Variants in CPEB3 observed in about 807,000 individuals in gnomAD.
CPEB3 encodes cytoplasmic polyadenylation element-binding protein 3.
Under a neutral mutation model 67.2 loss-of-function variants are expected in CPEB3, and 20 were observed. That is an observed-to-expected ratio of 0.30 (90% CI 0.21 to 0.43). The LOEUF (loss-of-function observed/expected upper bound fraction) is 0.43, where lower values mean the gene tolerates loss of function less well. CPEB3 is among the 20% of genes least tolerant of loss of function. The probability of loss-of-function intolerance (pLI) is 1.00; values close to 1 mark genes in which losing one functional copy is unlikely to be tolerated. For synonymous variants in CPEB3, 376 were observed against 393.1 expected, an observed-to-expected ratio of 0.96 and a Z score of 0.51; for missense variants, 746 against 968.6, an observed-to-expected ratio of 0.77 and a Z score of 3.05.
intron 2 of CPEB3, among the ~76,000 whole-genome samples, chr10:92,200,493 C>T (rs897715897): frequency 4.3e-5 from 6 of 139,526 alleles, no homozygotes; most frequent in African/African-American, 8.1e-5. Flanking sequence ...TGAGGTGAGC[C>T]GAGATCACAC....
intron 2 of CPEB3, among the ~76,000 whole-genome samples, chr10:92,229,937 T>C (rs866883047): frequency 6.6e-6 from 1 of 151,980 alleles, no homozygotes; most frequent in African/African-American, 2.4e-5. Flanking sequence ...TCCCAGCTAC[T>C]TGGGAGGCTG....
At chr10:92,092,788 AAAAG>A (rs1386764047) in intron 7 of CPEB3, among the ~76,000 whole-genome samples, 3 of 152,176 alleles carry the variant, frequency 2.0e-5, no homozygotes, top group Non-Finnish European at 2.9e-5. Flanking sequence ...GGAAAAAAAA[AAAAG>A]AGAGAGAATT....
chr10:92,120,098 C>CAAAAAAAAAAAAAAAAAAAACAAGCAAAA (rs34785763), intron 6 of CPEB3, among the ~76,000 whole-genome samples: 11 of 45,244 alleles, frequency 2.4e-4, no homozygotes, highest in African/African-American at 1.2e-3. Flanking sequence ...ACTAAAAATA[C>CAAAAAAAAAAAAAAAAAAAACAAGCAAAA]AAAAAAAAAA....
At chr10:92,055,872 G>A (rs1842091461) in intron 9 of CPEB3, among the ~76,000 whole-genome samples, 2 of 152,084 alleles carry the variant, frequency 1.3e-5, no homozygotes, top group Admixed American at 1.3e-4. Flanking sequence ...AAAAAAATTA[G>A]CCATGTGTTG....
At chr10:92,183,017 T>A (rs973155774) in intron 3 of CPEB3, among the ~76,000 whole-genome samples, 2 of 152,132 alleles carry the variant, frequency 1.3e-5, no homozygotes, top group Admixed American at 6.5e-5. Context: ...GAGCTTTCAA[T>A]GAAAATTTTT....
chr10:92,226,096 CA>C (rs557862921), intron 2 of CPEB3, among the ~76,000 whole-genome samples: 36 of 148,956 alleles, frequency 2.4e-4, no homozygotes, highest in African/African-American at 7.6e-4. Context: ...GGCTCCATCT[CA>C]AAAAAAAAAT....
At chr10:92,283,777 A>AGT (rs949574930) in intron 1 of CPEB3, among the ~76,000 whole-genome samples, 2 of 125,756 alleles carry the variant, frequency 1.6e-5, no homozygotes, top group African/African-American at 6.1e-5. Flanking sequence ...CCCAGGCTGG[A>AGT]GTGCAGTGGT....
At chr10:92,143,006 T>C (rs1483719707) in intron 6 of CPEB3, 23 bp downstream of exon 6, 1 of 1,558,306 alleles carries the variant, frequency 6.4e-7, no homozygotes, top group Middle Eastern at 1.7e-4. Context: ...AGGCAAGCAG[T>C]GGAAACATTT....
intron 6 of CPEB3, among the ~76,000 whole-genome samples, chr10:92,141,291 C>T (rs1342668366): frequency 6.6e-6 from 1 of 151,472 alleles, no homozygotes; most frequent in Non-Finnish European, 1.5e-5. Context: ...CCATGGAATA[C>T]TATGCAGCCA....
intron 1 of CPEB3, among the ~76,000 whole-genome samples, chr10:92,265,432 G>A (rs1381584620): frequency 6.6e-6 from 1 of 152,022 alleles, no homozygotes; most frequent in East Asian, 1.9e-4. Flanking sequence ...ACTTCAATTA[G>A]TCTTAGCCTT....
intron 6 of CPEB3, among the ~76,000 whole-genome samples, chr10:92,126,303 C>A (rs531005606): frequency 6.6e-6 from 1 of 152,088 alleles, no homozygotes; most frequent in Admixed American, 6.6e-5. Context: ...TCTTGGACTC[C>A]CCTTGTTACT....
chr10:92,095,600 ATTT>A (rs11404019), intron 7 of CPEB3, among the ~76,000 whole-genome samples: 22 of 123,062 alleles, frequency 1.8e-4, no homozygotes, highest in African/African-American at 7.1e-4. Context: ...ATATATATAT[ATTT>A]TTTTTTTTTC....
At chr10:92,169,988 T>C (rs1244757229) in intron 4 of CPEB3, among the ~76,000 whole-genome samples, 2 of 152,190 alleles carry the variant, frequency 1.3e-5, no homozygotes, top group Non-Finnish European at 2.9e-5. Context: ...ATTCTCACTA[T>C]TCCATATAAC....
intron 1 of CPEB3, among the ~76,000 whole-genome samples, chr10:92,254,027 G>A (rs1852416930): frequency 6.6e-6 from 1 of 152,124 alleles, no homozygotes; most frequent in Non-Finnish European, 1.5e-5. Flanking sequence ...CCAAGAGTTT[G>A]AGACCACCTT....
At chr10:92,147,109 G>A (rs563359381) in intron 4 of CPEB3, among the ~76,000 whole-genome samples, 10 of 152,108 alleles carry the variant, frequency 6.6e-5, no homozygotes, top group Admixed American at 3.3e-4. Flanking sequence ...TAATGCGTAC[G>A]TTATGCTTTT....
At chr10:92,203,232 C>G (rs960609831) in intron 2 of CPEB3, among the ~76,000 whole-genome samples, 1 of 151,170 alleles carries the variant, frequency 6.6e-6, no homozygotes, top group Admixed American at 6.6e-5. Context: ...TGAGCCACCG[C>G]GCCCAGCCTT....
chr10:92,092,991 T>G (rs1843685759), intron 7 of CPEB3, among the ~76,000 whole-genome samples: 1 of 152,168 alleles, frequency 6.6e-6, no homozygotes, highest in South Asian at 2.1e-4. Context: ...AAGCAAAAAA[T>G]AAGGTATTTC....
chr10:92,118,265 G>T (rs184348111), intron 6 of CPEB3, among the ~76,000 whole-genome samples: 3 of 152,106 alleles, frequency 2.0e-5, no homozygotes, highest in African/African-American at 7.2e-5. Context: ...CCAAGTAGCT[G>T]GGATTACAGG....
At position 92,237,654 on chromosome 10, in the gene CPEB3, C is replaced by T. The variant is rs115303342; in HGVS notation, c.1005+1692G>A. 1.6e-3 allele frequency among the ~76,000 whole-genome samples: 249 copies of T among 152,232 alleles called. 2 individuals carry two copies. Among genetic ancestry groups the T allele is most frequent in the African/African-American group, 4.9e-3 (202 of 41,546 alleles). Reference sequence around the variant, plus strand: ...ACTCCCTATAAGATTTTAGGTTATCCTCTAAGACTGAACTCAGGTACGGAG... The same window carrying T: ...ACTCCCTATAAGATTTTAGGTTATCTTCTAAGACTGAACTCAGGTACGGAG... On this transcript the variant is annotated intron_variant, in intron 2 of 9. Coordinates refer to ENST00000265997, the MANE Select transcript of CPEB3 (RefSeq NM_014912.5).
Sources: allele counts gnomAD v4.1 joint callset (sites outside exome capture counted in the v4.1 genomes callset), GRCh38; gene constraint gnomAD v4.1.1; transcripts MANE v1.5; gene names NCBI Gene and HGNC (gene_info 2026-07-23, HGNC 2026-07-21).